The following MPPED2 variants were observed in gnomAD, a reference collection of about 807,000 sequenced individuals.
The protein encoded by MPPED2 is metallophosphoesterase domain containing 2, also known as metallophosphoesterase MPPED2.
Under a neutral mutation model 33.0 loss-of-function variants are expected in MPPED2, and 5 were observed. The ratio of observed to expected loss-of-function variants is 0.15; its 90% CI spans 0.08 to 0.32. The LOEUF (loss-of-function observed/expected upper bound fraction) is 0.32. MPPED2 is among the 10% of genes least tolerant of loss of function. The probability of loss-of-function intolerance (pLI) is 1.00; values close to 1 mark genes in which losing one functional copy is unlikely to be tolerated. For missense variants in MPPED2, 275 were observed against 372.1 expected, an observed-to-expected ratio of 0.74 and a Z score of 2.15; for synonymous variants, 136 against 141.9, an observed-to-expected ratio of 0.96 and a Z score of 0.29.
At chr11:30,433,017 G>A (rs1042007379) in intron 4 of MPPED2, among the ~76,000 whole-genome samples, 1 of 152,162 alleles carries the variant, frequency 6.6e-6, no homozygotes, top group Non-Finnish European at 1.5e-5. Flanking sequence ...TGTTCTGATG[G>A]GGGTCCCCAA....
exon 7 of MPPED2, chr11:30,387,782 C>G (rs1947720683): frequency 6.6e-6 from 1 of 152,620 alleles, no homozygotes; most frequent in African/African-American, 2.4e-5. Context: ...CCCCTCTCTC[C>G]AGGCCTCCAC....
chr11:30,491,022 A>T (rs1407645512), intron 4 of MPPED2, among the ~76,000 whole-genome samples: 2 of 152,222 alleles, frequency 1.3e-5, no homozygotes, highest in African/African-American at 4.8e-5. Context: ...CCTCCAAAAA[A>T]GTCACTGTGA....
At chr11:30,586,784 A>T (rs1957482423), upstream of MPPED2, 1 of 152,186 alleles carries the variant, frequency 6.6e-6, no homozygotes, top group African/African-American at 2.4e-5. The surrounding 1 kb of genome is among the most constrained non-coding windows in gnomAD (Gnocchi z 4.8). Context: ...TCCAGGACGC[A>T]GGGCTCACCG....
intron 3 of MPPED2, among the ~76,000 whole-genome samples, chr11:30,521,823 A>G (rs1953892504): frequency 6.6e-6 from 1 of 152,188 alleles, no homozygotes; most frequent in Non-Finnish European, 1.5e-5. Flanking sequence ...GATGTGGGAC[A>G]TAGATACTGC....
chr11:30,508,572 C>G (rs1952969265), intron 3 of MPPED2, among the ~76,000 whole-genome samples: 1 of 152,148 alleles, frequency 6.6e-6, no homozygotes, highest in Non-Finnish European at 1.5e-5. Context: ...GGTTGACAGC[C>G]CTAGCAAAGT....
chr11:30,541,572 G>C (rs930405474), intron 2 of MPPED2, among the ~76,000 whole-genome samples: 2 of 152,052 alleles, frequency 1.3e-5, no homozygotes, highest in African/African-American at 4.8e-5. Flanking sequence ...AAATCCTCAG[G>C]CTGTGCTTAT....
chr11:30,549,684 A>C (rs1045283244), intron 2 of MPPED2, among the ~76,000 whole-genome samples: 2 of 152,046 alleles, frequency 1.3e-5, no homozygotes, highest in Admixed American at 6.6e-5. Context: ...CAAAAACCTC[A>C]CAGGTACTCC....
At chr11:30,489,480 G>A (rs79451370) in intron 4 of MPPED2, among the ~76,000 whole-genome samples, 3 of 152,364 alleles carry the variant, frequency 2.0e-5, no homozygotes, top group Non-Finnish European at 4.4e-5. Flanking sequence ...GATAGGAAAT[G>A]AGGGGAAGAG....
chr11:30,518,717 C>T (rs1870360), intron 3 of MPPED2, among the ~76,000 whole-genome samples: 38,794 of 152,006 alleles, frequency 0.26, 4,995 homozygotes, highest in Middle Eastern at 0.32. Flanking sequence ...CTTTTCTTTC[C>T]TTGTCAGGTT....
At chr11:30,510,001 T>C (rs1953066243) in intron 3 of MPPED2, among the ~76,000 whole-genome samples, 1 of 152,162 alleles carries the variant, frequency 6.6e-6, no homozygotes, top group Non-Finnish European at 1.5e-5. Context: ...GCTAAGAAGT[T>C]TTTCTAAAGA....
intron 6 of MPPED2, among the ~76,000 whole-genome samples, chr11:30,401,751 C>T (rs1284647872): frequency 2.0e-5 from 3 of 152,216 alleles, no homozygotes; most frequent in African/African-American, 7.2e-5. Context: ...GTGGCACAAT[C>T]TCAGCTCACT....
intron 4 of MPPED2, among the ~76,000 whole-genome samples, chr11:30,425,037 T>C (rs906480001): frequency 6.6e-6 from 1 of 152,152 alleles, no homozygotes; most frequent in Non-Finnish European, 1.5e-5. Context: ...ACTACGACTT[T>C]GTAGCTTGGT....
intron 3 of MPPED2, among the ~76,000 whole-genome samples, chr11:30,497,950 A>T (rs1259590923): frequency 6.6e-6 from 1 of 152,088 alleles, no homozygotes; most frequent in Non-Finnish European, 1.5e-5. Context: ...ATTGTCTGAC[A>T]TATTTTCTTT....
chr11:30,463,863 TATAC>T (rs995892571), intron 4 of MPPED2, among the ~76,000 whole-genome samples: 14 of 151,788 alleles, frequency 9.2e-5, no homozygotes, highest in African/African-American at 2.7e-4. Context: ...TATATATATA[TATAC>T]ACACACACAC....
chr11:30,467,458 A>G (rs562486469), intron 4 of MPPED2, among the ~76,000 whole-genome samples: 2 of 152,288 alleles, frequency 1.3e-5, no homozygotes, highest in African/African-American at 4.8e-5. Context: ...AGCCCAAGTC[A>G]GTGAAAACAG....
chr11:30,398,567 G>A (rs888144810), intron 6 of MPPED2, among the ~76,000 whole-genome samples: 2 of 152,134 alleles, frequency 1.3e-5, no homozygotes, highest in Admixed American at 1.3e-4. Flanking sequence ...AGGCTACTAA[G>A]TTGCCTGAAG....
rs986888929 is a variant in MPPED2, at chr11:30,543,772, G to A, written c.129-7597C>T. 1.4e-4 allele frequency among the ~76,000 whole-genome samples: 20 copies of A among 147,522 alleles called. No homozygotes were observed. The South Asian group carries it at 2.6e-3, about 19-fold the overall frequency. On this transcript the variant is annotated intron_variant, in intron 2 of 6. Coordinates refer to ENST00000358117, the MANE Select transcript of MPPED2 (RefSeq NM_001584.3). ...ACAGAATATGTGATTGAACTAAGGC[G>A]TTCCAGAAATGGCGTTGTTCTTTTT...
intron 2 of MPPED2, among the ~76,000 whole-genome samples, chr11:30,544,517 T>G (rs1166516988): frequency 6.6e-6 from 1 of 152,194 alleles, no homozygotes; most frequent in East Asian, 1.9e-4. Flanking sequence ...ATTCTGCCAA[T>G]TTACTATTCA....
intron 4 of MPPED2, among the ~76,000 whole-genome samples, chr11:30,426,229 G>C (rs1948830620): frequency 1.3e-5 from 2 of 152,122 alleles, no homozygotes; most frequent in Admixed American, 6.5e-5. Context: ...AACGATTCTA[G>C]GTACTTCATG....
Sources: allele counts gnomAD v4.1 joint callset (sites outside exome capture counted in the v4.1 genomes callset), GRCh38; gene constraint gnomAD v4.1.1; non-coding constraint Gnocchi (gnomAD v3.1); transcripts MANE v1.5; gene names NCBI Gene and HGNC (gene_info 2026-07-23, HGNC 2026-07-21).